The following FGFR2 variants were observed in gnomAD, a reference collection of about 807,000 sequenced individuals.
The protein encoded by FGFR2 is fibroblast growth factor receptor 2, also known as BEK fibroblast growth factor receptor.
Under a neutral mutation model 95.9 loss-of-function variants are expected in FGFR2, and 19 were observed. The ratio of observed to expected loss-of-function variants is 0.20; its 90% CI spans 0.14 to 0.29. The LOEUF (loss-of-function observed/expected upper bound fraction) is 0.29, where lower values mean the gene tolerates loss of function less well. FGFR2 is among the 10% of genes least tolerant of loss of function. The probability of loss-of-function intolerance (pLI) is 1.00; values close to 1 mark genes in which losing one functional copy is unlikely to be tolerated. For synonymous variants in FGFR2, 392 were observed against 393.3 expected (o/e 1.00, Z 0.04); for missense variants, 707 against 1,056.9 (o/e 0.67, Z 4.59).
intron 2 of FGFR2, among the ~76,000 whole-genome samples, chr10:121,573,238 A>C (rs1266039036): frequency 1.3e-5 from 2 of 152,228 alleles, no homozygotes; most frequent in Admixed American, 6.5e-5. Flanking sequence ...CAATCACTTC[A>C]CGGAGAATGG....
chr10:121,581,519 G>A (rs900182083), intron 2 of FGFR2, among the ~76,000 whole-genome samples: 5 of 147,974 alleles, frequency 3.4e-5, no homozygotes, highest in South Asian at 4.3e-4. Flanking sequence ...TGGGAGGATC[G>A]CTTGAGCCCA....
intron 6 of FGFR2, chr10:121,530,582 A>T (rs1379021856): frequency 1.3e-5 from 2 of 152,222 alleles, no homozygotes; most frequent in African/African-American, 4.8e-5. Flanking sequence ...AGATCATGCC[A>T]CTGCCCTCCA....
rs1467127573 is a variant in FGFR2, at chr10:121,536,769, T to C, written c.748+1823A>G. On this transcript the variant is annotated intron_variant, in intron 6 of 17. Transcript: ENST00000358487. Reference sequence around the variant, plus strand: ...GAGTGGCCGCCATCTGACTCCACGATGCCTAGAATGGCCCCAGCCCAGCCT... The same window carrying C: ...GAGTGGCCGCCATCTGACTCCACGACGCCTAGAATGGCCCCAGCCCAGCCT... Among the ~76,000 whole-genome samples the C allele has an allele frequency of 2.6e-5, 4 of 152,312 alleles. No homozygotes were observed. The South Asian group carries it at 8.3e-4, about 32-fold the overall frequency.
At chr10:121,486,691 T>C (rs1845455175) in intron 15 of FGFR2, among the ~76,000 whole-genome samples, 1 of 152,216 alleles carries the variant, frequency 6.6e-6, no homozygotes. Context: ...CCACCCGCCT[T>C]GCCCTCCCAA....
intron 4 of FGFR2, among the ~76,000 whole-genome samples, chr10:121,553,536 AAAT>A (rs1401530125): frequency 6.6e-6 from 1 of 152,246 alleles, no homozygotes; most frequent in African/African-American, 2.4e-5. Flanking sequence ...AGCACAAAAC[AAAT>A]AATGAGCTTT....
intron 5 of FGFR2, among the ~76,000 whole-genome samples, chr10:121,544,396 G>GA (rs1293701296): frequency 6.7e-6 from 1 of 149,598 alleles, no homozygotes; most frequent in East Asian, 2.0e-4. Context: ...GTGAGCCAAG[G>GA]TTGCACCACT....
At chr10:121,570,019 C>T (rs891597537) in intron 2 of FGFR2, among the ~76,000 whole-genome samples, 14 of 152,172 alleles carry the variant, frequency 9.2e-5, no homozygotes, top group East Asian at 1.9e-4. Context: ...TGGGGCCATA[C>T]GCTGGGGAGG....
intron 2 of FGFR2, among the ~76,000 whole-genome samples, chr10:121,566,763 G>A (rs1857725884): frequency 1.3e-5 from 2 of 151,996 alleles, no homozygotes; most frequent in South Asian, 4.2e-4. Context: ...CTAGAGAAAA[G>A]GCGTGGGTCT....
chr10:121,571,294 CTTTTTT>C (rs35943673), intron 2 of FGFR2, among the ~76,000 whole-genome samples: 2 of 39,320 alleles, frequency 5.1e-5, no homozygotes, highest in Admixed American at 4.8e-4. Context: ...CGTGCCTGGC[CTTTTTT>C]TTTTTTTTTT....
chr10:121,564,752 G>T (rs980256286), intron 3 of FGFR2, among the ~76,000 whole-genome samples, 173 bp from the exon 4 acceptor site: 2 of 152,148 alleles, frequency 1.3e-5, no homozygotes, highest in Non-Finnish European at 2.9e-5. Flanking sequence ...TTCCCTCCAT[G>T]ATGACAGTTG....
intron 5 of FGFR2, among the ~76,000 whole-genome samples, chr10:121,544,465 T>C (rs996729977): frequency 1.5e-5 from 2 of 137,602 alleles, no homozygotes; most frequent in East Asian, 2.1e-4. Context: ...AAAAAAAAAG[T>C]GGTATATCCA....
At chr10:121,482,293 C>A in intron 17 of FGFR2, 1 of 832,130 alleles carries the variant, frequency 1.2e-6, no homozygotes, top group Non-Finnish European at 1.9e-6. Flanking sequence ...CCCCTTGAAC[C>A]GTTCCTTTCC....
chr10:121,537,134 CAT>C (rs1233091841), intron 6 of FGFR2, among the ~76,000 whole-genome samples: 2 of 152,212 alleles, frequency 1.3e-5, no homozygotes, highest in African/African-American at 4.8e-5. Flanking sequence ...AAACATGCCA[CAT>C]GTTTTCTCTA....
chr10:121,512,609 G>GGTCTT (rs1194661663), intron 9 of FGFR2, among the ~76,000 whole-genome samples: 8 of 151,922 alleles, frequency 5.3e-5, no homozygotes, highest in African/African-American at 1.9e-4. Flanking sequence ...TGGTCAGGCT[G>GGTCTT]GTCTTGAACT....
chr10:121,554,265 C>A (rs1855800500), intron 4 of FGFR2, among the ~76,000 whole-genome samples: 1 of 152,086 alleles, frequency 6.6e-6, no homozygotes, highest in South Asian at 2.1e-4. Context: ...CACACCAGCA[C>A]ACAGCCTCTC....
chr10:121,562,370 C>T (rs915994543), intron 4 of FGFR2, among the ~76,000 whole-genome samples: 4 of 151,822 alleles, frequency 2.6e-5, no homozygotes, highest in African/African-American at 9.7e-5. Context: ...CTGCAACCTC[C>T]GCATCCTGGG....
chr10:121,550,779 C>T (rs894171585), intron 5 of FGFR2, among the ~76,000 whole-genome samples: 8 of 152,094 alleles, frequency 5.3e-5, no homozygotes, highest in East Asian at 1.9e-4. Flanking sequence ...ACAACACAAA[C>T]GGGAATTGTA....
chr10:121,592,119 C>G (rs946341438), intron 2 of FGFR2, among the ~76,000 whole-genome samples: 1 of 152,190 alleles, frequency 6.6e-6, no homozygotes, highest in Non-Finnish European at 1.5e-5. Flanking sequence ...AAAGCCCACA[C>G]CGTAGGAAAT....
intron 6 of FGFR2, among the ~76,000 whole-genome samples, chr10:121,537,391 T>C (rs1218581065): frequency 3.9e-5 from 6 of 152,226 alleles, no homozygotes; most frequent in Non-Finnish European, 8.8e-5. Context: ...TTTGTTTACT[T>C]TTCAGTTAAC....
Sources: gnomAD v4.1 joint callset for allele counts (sites outside exome capture counted in the v4.1 genomes callset) on GRCh38, gnomAD v4.1.1 for gene constraint, MANE v1.5 for transcripts, NCBI Gene and HGNC (gene_info 2026-07-23, HGNC 2026-07-21) for gene names.